Variants in PCDHGA10 observed in about 807,000 individuals in gnomAD.
PCDHGA10 encodes the protein protocadherin gamma subfamily A, 10, also known as protocadherin gamma-A10.
A neutral mutation model predicts 59.5 loss-of-function variants in PCDHGA10; 42 were observed. The ratio of observed to expected loss-of-function variants is 0.71; its 90% CI spans 0.55 to 0.91. PCDHGA10 has a LOEUF of 0.91. Among genes scored for constraint, PCDHGA10 ranks in the 40% least tolerant of loss-of-function variants. The pLI is 0.00. For synonymous variants in PCDHGA10, 511 were observed against 517.2 expected, an observed-to-expected ratio of 0.99 and a Z score of 0.16; for missense variants, 1,111 against 1,198.2, an observed-to-expected ratio of 0.93 and a Z score of 1.07.
chr5:141,427,361 A>ACC (rs781206288), intron 1 of PCDHGA10: 1 of 457,772 alleles, frequency 2.2e-6, no homozygotes, highest in South Asian at 1.5e-5. Context: ...AGGACGCAGA[A>ACC]CCCTGGACGG....
Position 141,413,476 on chromosome 5 carries a change from G to A in PCDHGA10, c.301G>A (p.Ala101Thr). The A allele has an allele frequency of 6.2e-7, 1 of 1,614,122 alleles. No individual in the cohort carries two copies. Among genetic ancestry groups the A allele is most frequent in the Non-Finnish European group, 8.5e-7 (1 of 1,179,964 alleles). Residue 101 changes from alanine to threonine, a missense_variant, in exon 1 of 4, where the codon GCT becomes ACT. Ala to Thr is a moderately conservative substitution (Grantham distance 58). Coordinates refer to ENST00000398610, the MANE Select transcript of PCDHGA10 (RefSeq NM_018913.3). ...AGRIDREELC[A>T]QSARCVVSFN... is the part of the protein sequence containing the mutation. Reference sequence around the variant, plus strand: ...CAGGATAGACCGGGAGGAGCTCTGCGCTCAGAGCGCGCGGTGCGTGGTGAG... The same window carrying A: ...CAGGATAGACCGGGAGGAGCTCTGCACTCAGAGCGCGCGGTGCGTGGTGAG...
At chr5:141,453,481 TA>T (rs1178324090) in intron 1 of PCDHGA10, among the ~76,000 whole-genome samples, 1 of 151,928 alleles carries the variant, frequency 6.6e-6, no homozygotes, top group Non-Finnish European at 1.5e-5. Context: ...TCAAAACTAT[TA>T]AAAAAAGGTG....
chr5:141,489,159 T>G lies in PCDHGA10; in HGVS notation c.2437-5648T>G. On this transcript the variant is annotated intron_variant, in intron 1 of 3. Transcript: ENST00000398610. This position sits in a 1 kb window ranked among gnomAD's most constrained non-coding sequence, Gnocchi z 4.5. ...AGGCTGGAAGGAGACATAAGAGACT[T>G]CAGCTGCTGCATTCCAAGCCCTGGG... is the stretch of plus-strand genomic sequence containing the variant. 2 of 1,023,152 alleles carry G rather than the reference T, an allele frequency of 2.0e-6. No individual in the cohort carries two copies. Among genetic ancestry groups the G allele is most frequent in the Non-Finnish European group, 2.9e-6 (2 of 697,120 alleles). The allele number at this position is 1,023,152 out of a possible 1,614,324, so 63.4% of individuals were successfully genotyped here. A position where few individuals can be genotyped will look rare whatever the true frequency, so the allele number is the denominator to read the frequency against.
chr5:141,461,072 A>G (rs555905734), intron 1 of PCDHGA10, among the ~76,000 whole-genome samples: 2 of 151,574 alleles, frequency 1.3e-5, no homozygotes, highest in Non-Finnish European at 2.9e-5. Flanking sequence ...ACATTTTTGC[A>G]ATTGTGAATT....
chr5:141,418,396 A>G lies in PCDHGA10; in HGVS notation c.2436+2785A>G, dbSNP rs139206858. 4.9e-3 allele frequency: 7,975 copies of G among 1,613,844 alleles called. 44 individuals are homozygous for G. The highest frequency in any genetic ancestry group is 9.4e-3 in the Admixed American group (567 of 60,030). On this transcript the variant is annotated intron_variant, in intron 1 of 3. Coordinates refer to ENST00000398610, the MANE Select transcript of PCDHGA10 (RefSeq NM_018913.3). Reference sequence around the variant, plus strand: ...AACTAAGTCCTAACGAGTATTTCTCATTGGTGGAGAAAGACAATCCTGATG... The same window carrying G: ...AACTAAGTCCTAACGAGTATTTCTCGTTGGTGGAGAAAGACAATCCTGATG...
intron 2 of PCDHGA10, among the ~76,000 whole-genome samples, chr5:141,504,713 G>A (rs1443171981): frequency 1.3e-5 from 2 of 151,850 alleles, no homozygotes; most frequent in African/African-American, 2.4e-5. Context: ...TATGGCCGTG[G>A]ATTTTACTCT....
intron 1 of PCDHGA10, among the ~76,000 whole-genome samples, chr5:141,462,125 A>AT (rs1561991410): frequency 6.6e-6 from 1 of 151,688 alleles, no homozygotes; most frequent in African/African-American, 2.4e-5. Context: ...ACCCAGTCCA[A>AT]TTTTTTGTAT....
intron 1 of PCDHGA10, among the ~76,000 whole-genome samples, chr5:141,467,039 A>G (rs1467529268): frequency 2.6e-5 from 4 of 150,960 alleles, no homozygotes; most frequent in Non-Finnish European, 5.9e-5. Context: ...TTTTTTGTGT[A>G]ATGAATCAAT....
intron 1 of PCDHGA10, among the ~76,000 whole-genome samples, chr5:141,430,040 T>C (rs1449876504): frequency 1.3e-5 from 2 of 152,232 alleles, no homozygotes; most frequent in African/African-American, 2.4e-5. Flanking sequence ...ATTCTGATAA[T>C]GTATACAATC....
intron 1 of PCDHGA10, chr5:141,419,330 C>G (rs2096361200): frequency 1.9e-6 from 3 of 1,613,958 alleles, no homozygotes; most frequent in Non-Finnish European, 2.5e-6. Context: ...CTCCTACTCT[C>G]TCATTGCCAG....
Position 141,485,444 on chromosome 5 carries a change from G to T in PCDHGA10, c.2437-9363G>T. 1 of 1,614,108 alleles carries T rather than the reference G, an allele frequency of 6.2e-7. No homozygotes were observed. The highest frequency in any genetic ancestry group is 8.5e-7 in the Non-Finnish European group (1 of 1,180,020). ...AGCCCTGCTCATCAAGAACCCAATC[G>T]ACCGAGAGGCACTGTGTGGGCTCAG... is the stretch of plus-strand genomic sequence containing the variant. On this transcript the variant is annotated intron_variant, in intron 1 of 3. Coordinates refer to ENST00000398610, the MANE Select transcript of PCDHGA10 (RefSeq NM_018913.3). This position sits in a 1 kb window ranked among gnomAD's most constrained non-coding sequence, Gnocchi z 5.7.
At chr5:141,450,829 A>ATTAT (rs1554136902) in intron 1 of PCDHGA10, among the ~76,000 whole-genome samples, 14 of 135,142 alleles carry the variant, frequency 1.0e-4, no homozygotes, top group African/African-American at 3.3e-4. Context: ...TATTATTATT[A>ATTAT]TTTTTTTTTT....
At chr5:141,479,200 AAAGT>A (rs1430087636) in intron 1 of PCDHGA10, 5 of 152,466 alleles carry the variant, frequency 3.3e-5, no homozygotes, top group African/African-American at 1.2e-4. Flanking sequence ...AAAATACAGA[AAAGT>A]ATTTAAAAAA....
Position 141,486,173 on chromosome 5 carries a change from T to C in PCDHGA10, c.2437-8634T>C. 1 of 1,614,220 alleles carries C rather than the reference T, an allele frequency of 6.2e-7. No homozygotes were observed. Among genetic ancestry groups the C allele is most frequent in the Non-Finnish European group, 8.5e-7 (1 of 1,180,042 alleles). ...GGGTTCTCCAGCCATGGAGCAACATTGCAGCCTTCGAGTGGATCTGCTGGA... is the reference window on the plus strand; with the variant it reads ...GGGTTCTCCAGCCATGGAGCAACATCGCAGCCTTCGAGTGGATCTGCTGGA... On this transcript the variant is annotated intron_variant, in intron 1 of 3. Transcript: ENST00000398610. The surrounding 1 kb of genome is among the most constrained non-coding windows in gnomAD (Gnocchi z 5.0).
At chr5:141,440,484 A>G (rs190024112) in intron 1 of PCDHGA10, 36 of 152,300 alleles carry the variant, frequency 2.4e-4, no homozygotes, top group Non-Finnish European at 4.7e-4. Context: ...AATTCTTTAA[A>G]TGTTTTTCAC....
chr5:141,447,164 G>T (rs2098528799), intron 1 of PCDHGA10, among the ~76,000 whole-genome samples: 1 of 151,766 alleles, frequency 6.6e-6, no homozygotes, highest in South Asian at 2.1e-4. Context: ...GTTTAAGCGG[G>T]GTCTTGCTCT....
intron 1 of PCDHGA10, chr5:141,423,134 G>A: frequency 6.2e-7 from 1 of 1,613,680 alleles, no homozygotes; most frequent in South Asian, 1.1e-5. Flanking sequence ...CTGCTGGACA[G>A]AGACGCGCTC....
intron 2 of PCDHGA10, among the ~76,000 whole-genome samples, chr5:141,500,008 C>T (rs1027220192): frequency 6.6e-6 from 1 of 151,770 alleles, no homozygotes; most frequent in African/African-American, 2.4e-5. Flanking sequence ...TTCATAAGGT[C>T]CACATTTTAT....
chr5:141,415,740 GTTTTTTTTT>G (rs57426385), intron 1 of PCDHGA10, 129 bp downstream of exon 1: 9,508 of 621,550 alleles, frequency 0.015, 13 homozygotes, highest in Non-Finnish European at 0.016. Context: ...GTTTATTAAG[GTTTTTTTTT>G]TTTTTTTTTT....
Sources: allele counts gnomAD v4.1 joint callset (sites outside exome capture counted in the v4.1 genomes callset), GRCh38; gene constraint gnomAD v4.1.1; non-coding constraint Gnocchi (gnomAD v3.1); transcripts MANE v1.5; gene names NCBI Gene and HGNC (gene_info 2026-07-23, HGNC 2026-07-21).